NAXE: variants seen among roughly 807,000 people sequenced by gnomAD.
The protein encoded by NAXE is NAD(P)HX epimerase.
NAXE carries 25 observed loss-of-function variants against 31.2 expected under a neutral mutation model. The observed-to-expected ratio is 0.80, with a 90% CI of 0.58 to 1.12. The LOEUF is 1.12. Among genes scored for constraint, NAXE ranks in the 50% most tolerant of loss-of-function variants. NAXE has a pLI of 0.00. For synonymous variants in NAXE, 144 were observed against 154.5 expected (o/e 0.93, Z 0.50); for missense variants, 362 against 376.1 (o/e 0.96, Z 0.31).
At chr1:156,593,314 T>G in intron 4 of NAXE, 94 bp from the exon 5 acceptor site, 2 of 1,478,618 alleles carry the variant, frequency 1.4e-6, no homozygotes, top group Non-Finnish European at 1.8e-6. Flanking sequence ...CTTGTGCCTC[T>G]GAGAATGGTC....
At position 156,592,496 on chromosome 1, in the gene NAXE, T is replaced by G. The variant is rs1221360192; in HGVS notation, c.402+21T>G. 6 of 1,613,560 alleles carry G rather than the reference T, an allele frequency of 3.7e-6. No individual in the cohort carries two copies. The South Asian group carries it at 5.5e-5, about 15-fold the overall frequency. ...TCTTTGTGAGTATGTGGGGAGGGGC[T>G]GTGGGGGAGGAGGGCGTGAGGGCTC... is the stretch of plus-strand genomic sequence containing the variant. On this transcript the variant is annotated intron_variant, in intron 3 of 5. Transcript: ENST00000368235.
In NAXE at chr1:156,592,677, G is replaced by T. The variant is rs1362970540; in HGVS notation, c.516+7G>T. The T allele has an allele frequency of 6.2e-7, 1 of 1,605,746 alleles. No individual in the cohort carries two copies. The highest frequency in any genetic ancestry group is 1.7e-5 in the Admixed American group (1 of 59,894). ...TGGGGAAATGCCCGCAGAGGTAGGT[G>T]GCTCCAGTTGAATACCTCCATCCTA... On this transcript the variant is annotated splice_region_variant and intron_variant, in intron 4 of 5. Coordinates refer to ENST00000368235, the MANE Select transcript of NAXE (RefSeq NM_144772.3).
intron 5 of NAXE, 87 bp from the exon 6 acceptor site, chr1:156,593,795 C>T: frequency 6.8e-7 from 1 of 1,466,220 alleles, no homozygotes. Flanking sequence ...ACTGAGGGGA[C>T]TTCCCACTCC....
At chr1:156,593,308 T>C in intron 4 of NAXE, 100 bp from the exon 5 acceptor site, 1 of 1,448,074 alleles carries the variant, frequency 6.9e-7, no homozygotes, top group Non-Finnish European at 9.3e-7. Flanking sequence ...ACAATACTTG[T>C]GCCTCTGAGA....
chr1:156,592,093 T>TTCCTC lies in NAXE; in HGVS notation c.183-7_183-3dup. 1.9e-6 allele frequency: 3 copies of TTCCTC among 1,614,196 alleles called. No homozygotes were observed. The highest frequency in any genetic ancestry group is 2.5e-6 in the Non-Finnish European group (3 of 1,180,014). On this transcript the variant is annotated splice_region_variant and splice_polypyrimidine_tract_variant and intron_variant, in intron 1 of 5. Coordinates refer to ENST00000368235, the MANE Select transcript of NAXE (RefSeq NM_144772.3). ...AGGGGCGGGACTCAGGCCGCGGGTT[T>TTCCTC]TCCTCAGCCAGGAGGAGGCCCAGGC...
intron 4 of NAXE, 40 bp downstream of exon 4, chr1:156,592,710 C>A: frequency 6.5e-7 from 1 of 1,530,736 alleles, no homozygotes; most frequent in Non-Finnish European, 9.0e-7. Flanking sequence ...CTACAGTAAC[C>A]ACTGCCTGTG....
Position 156,592,112 on chromosome 1 carries a change from C to A in NAXE, c.194C>A (p.Ala65Asp). 6.2e-7 allele frequency: 1 copy of A among 1,614,224 alleles called. No homozygotes were observed. Among genetic ancestry groups the A allele is most frequent in the Non-Finnish European group, 8.5e-7 (1 of 1,180,038 alleles). ...TVVKYLSQEE[A>D]QAVDQELFNE... ...CGGGTTTTCCTCAGCCAGGAGGAGG[C>A]CCAGGCCGTGGACCAGGAGCTATTT... The change falls in exon 2 of 6, where the codon GCC becomes GAC. Residue 65 changes from alanine (A) to aspartate (D), a missense_variant. Coordinates refer to ENST00000368235, the MANE Select transcript of NAXE (RefSeq NM_144772.3).
intron 4 of NAXE, 94 bp downstream of exon 4, chr1:156,592,764 C>A: frequency 8.4e-7 from 1 of 1,186,608 alleles, no homozygotes; most frequent in Non-Finnish European, 1.2e-6. Context: ...CATTTTAGTG[C>A]CTGGTACGGA....
At position 156,594,010 on chromosome 1, in the gene NAXE, C is replaced by T; in HGVS notation, c.793C>T (p.Pro265Ser). The T allele has an allele frequency of 6.2e-7, 1 of 1,614,154 alleles. No individual in the cohort carries two copies. The highest frequency in any genetic ancestry group is 8.5e-7 in the Non-Finnish European group (1 of 1,180,020). The change falls in exon 6 of 6, where the codon CCT becomes TCT. Residue 265 changes from proline (P) to serine (S), a missense_variant. Physicochemically the swap from Pro to Ser is moderately conservative, Grantham distance 74. Coordinates refer to ENST00000368235, the MANE Select transcript of NAXE (RefSeq NM_144772.3). ...YHYLGGRFVP[P>S]ALEKKYQLNL... is the part of the protein sequence containing the mutation. ...TTACCTGGGGGGTCGTTTTGTGCCACCTGCTCTGGAGAAGAAGTACCAGCT... is the reference window on the plus strand; with the variant it reads ...TTACCTGGGGGGTCGTTTTGTGCCATCTGCTCTGGAGAAGAAGTACCAGCT...
intron 4 of NAXE, chr1:156,592,997 C>T: frequency 2.5e-6 from 1 of 407,180 alleles, no homozygotes; most frequent in Non-Finnish European, 4.4e-6. Context: ...TGAAACCCTT[C>T]CTGCAGATGC....
chr1:156,593,355 A>G, intron 4 of NAXE, 53 bp from the exon 5 acceptor site: 2 of 1,582,850 alleles, frequency 1.3e-6, no homozygotes, highest in East Asian at 4.5e-5. Flanking sequence ...CTCTCCAGTT[A>G]AGGCTGTTTG....
rs1049284499 is a variant in NAXE, at chr1:156,592,584, A to C, written c.430A>C (p.Lys144Gln). The C allele has an allele frequency of 5.0e-6, 8 of 1,613,986 alleles. No individual in the cohort carries two copies. In the East Asian group the frequency reaches 6.7e-5, roughly 13 times the overall value. The change falls in exon 4 of 6, where the codon AAA (lysine) becomes CAA (glutamine). Residue 144 changes from lysine (K) to glutamine (Q), a missense_variant. Lys to Gln is a moderately conservative substitution (Grantham distance 53). Transcript: ENST00000368235. ...FGYEPTIYYP[K>Q]RPNKPLFTAL... ...CTACGAGCCAACCATCTATTACCCC[A>C]AAAGGCCTAACAAGCCCCTCTTCAC... is the stretch of plus-strand genomic sequence containing the variant.
In NAXE at chr1:156,592,139, A is replaced by G. The variant is rs1677345075; in HGVS notation, c.221A>G (p.Asn74Ser). 1.2e-6 allele frequency: 2 copies of G among 1,614,092 alleles called. No individual in the cohort carries two copies. The highest frequency in any genetic ancestry group is 2.7e-5 in the African/African-American group (2 of 74,946). Reference sequence around the variant, plus strand: ...CAGGCCGTGGACCAGGAGCTATTTAACGAATACCAGTTCAGCGTGGACCAA... The same window carrying G: ...CAGGCCGTGGACCAGGAGCTATTTAGCGAATACCAGTTCAGCGTGGACCAA... ...EAQAVDQELF[N>S]EYQFSVDQLM... The change falls in exon 2 of 6, where the codon AAC becomes AGC. Residue 74 changes from asparagine to serine, a missense_variant. Coordinates refer to ENST00000368235, the MANE Select transcript of NAXE (RefSeq NM_144772.3).
At position 156,592,627 on chromosome 1, in the gene NAXE, G is replaced by C. The variant is rs149086062; in HGVS notation, c.473G>C (p.Cys158Ser). The stretch of plus-strand genomic sequence containing the variant: ...CTCTTCACTGCATTGGTGACCCAGT[G>C]TCAGAAAATGGACATCCCTTTCCTT... ...KPLFTALVTQ[C>S]QKMDIPFLGE... is the part of the protein sequence containing the mutation. Residue 158 changes from cysteine to serine, a missense_variant, in exon 4 of 6, where the codon TGT (cysteine) becomes TCT (serine). Physicochemically the swap from Cys to Ser is moderately radical, Grantham distance 112. Coordinates refer to ENST00000368235, the MANE Select transcript of NAXE (RefSeq NM_144772.3). 21 of 1,614,190 alleles carry C rather than the reference G, an allele frequency of 1.3e-5. No individual in the cohort carries two copies. The East Asian group carries it at 4.5e-4, about 34-fold the overall frequency.
chr1:156,593,110 G>C lies in NAXE; in HGVS notation c.517-298G>C, dbSNP rs1011243118. On this transcript the variant is annotated intron_variant, in intron 4 of 5. Transcript: ENST00000368235. ...GTGGTTTGCTTAAAGTCACTAAATT[G>C]TATCATGGCAGAGCTGAAACCAGAA... is the stretch of plus-strand genomic sequence containing the variant. 7 of 444,470 alleles carry C rather than the reference G, an allele frequency of 1.6e-5. No individual in the cohort carries two copies. In the South Asian group the frequency reaches 2.4e-4, roughly 15 times the overall value. 27.5% of individuals were successfully genotyped at this position (444,470 alleles called of 1,614,324 possible). A position where few individuals can be genotyped will look rare whatever the true frequency, so the allele number is the denominator to read the frequency against.
chr1:156,594,086 G>A lies in NAXE; in HGVS notation c.*2G>A, dbSNP rs989645916. ...GAGTGTGTCTATCGTCTGCAGTGAG[G>A]GAAGGTGGGTGGGTATTCTTCCCAA... is the stretch of plus-strand genomic sequence containing the variant. On this transcript the variant is annotated 3_prime_UTR_variant, in exon 6 of 6. Transcript: ENST00000368235. 9.3e-6 allele frequency: 15 copies of A among 1,613,756 alleles called. No individual in the cohort carries two copies. The highest frequency in any genetic ancestry group is 1.7e-5 in the Admixed American group (1 of 60,000).
At chr1:156,592,802 A>C in intron 4 of NAXE, 132 bp downstream of exon 4, 1 of 761,104 alleles carries the variant, frequency 1.3e-6, no homozygotes, top group Non-Finnish European at 2.1e-6. Context: ...TATTCGAATA[A>C]GTGTGCAAGA....
intron 1 of NAXE, 51 bp from the exon 2 acceptor site, chr1:156,592,050 T>C: frequency 1.2e-6 from 2 of 1,613,690 alleles, no homozygotes; most frequent in Non-Finnish European, 8.5e-7. Context: ...CCGGGCCACC[T>C]GCGCGACAGA....
intron 5 of NAXE, 121 bp from the exon 6 acceptor site, chr1:156,593,761 T>C: frequency 7.4e-7 from 1 of 1,342,564 alleles, no homozygotes; most frequent in South Asian, 1.3e-5. Flanking sequence ...TGGAGCTCGT[T>C]GGACGAGAGT....
Sources: allele counts gnomAD v4.1 joint callset, GRCh38; gene constraint gnomAD v4.1.1; transcripts MANE v1.5; gene names NCBI Gene and HGNC (gene_info 2026-07-23, HGNC 2026-07-21).